The following SLCO1A2 variants were observed in gnomAD, a reference collection of about 807,000 sequenced individuals.
The protein encoded by SLCO1A2 is OATP-1.
In SLCO1A2, 67 loss-of-function variants were observed where a neutral mutation model predicts 69.0. The observed-to-expected ratio is 0.97, with a 90% CI of 0.80 to 1.19. The LOEUF (loss-of-function observed/expected upper bound fraction) is 1.19. SLCO1A2 is among the 50% of genes most tolerant of loss of function. The pLI, the probability that SLCO1A2 is intolerant of heterozygous loss-of-function variation, is 0.00. For missense variants in SLCO1A2, 787 were observed against 793.7 expected (o/e 0.99, Z 0.10); for synonymous variants, 260 against 265.9 (o/e 0.98, Z 0.22).
At chr12:21,405,328 A>G (rs534074152) in intron 1 of SLCO1A2, among the ~76,000 whole-genome samples, 2 of 152,158 alleles carry the variant, frequency 1.3e-5, no homozygotes, top group Admixed American at 6.6e-5. Context: ...AATATTGCCT[A>G]GATTTTCCCC....
chr12:21,412,107 G>A (rs181971809), intron 1 of SLCO1A2, among the ~76,000 whole-genome samples: 88 of 152,272 alleles, frequency 5.8e-4, no homozygotes, highest in South Asian at 3.5e-3. Context: ...AAGACTGGGC[G>A]CGGTGGCTTA....
chr12:21,397,605 T>C (rs1321977289), upstream of SLCO1A2, among the ~76,000 whole-genome samples: 2 of 152,102 alleles, frequency 1.3e-5, no homozygotes, highest in East Asian at 1.9e-4. Flanking sequence ...TATTCCTAAA[T>C]TGACCACATA....
At chr12:21,307,100 T>TA (rs1436140961) in intron 4 of SLCO1A2, 112 bp from the exon 5 acceptor site, 2 of 645,310 alleles carry the variant, frequency 3.1e-6, no homozygotes, top group Non-Finnish European at 5.1e-6. Context: ...CCAAATCCAG[T>TA]AAAAATGGCT....
chr12:21,292,110 G>C, intron 12 of SLCO1A2, 54 bp downstream of exon 12: 1 of 1,311,028 alleles, frequency 7.6e-7, no homozygotes, highest in East Asian at 2.5e-5. Context: ...CTTAGAACAA[G>C]CTACCTTAAT....
At position 21,264,679 on chromosome 12, in the gene SLCO1A2, C is replaced by T. The variant is rs1234946165; in HGVS notation, c.*4869G>A. On this transcript the variant is annotated 3_prime_UTR_variant, in exon 15 of 15. Transcript: ENST00000683939. ...ATCATTCCTTAAATATAAAAGCAAT[C>T]TTACAGGATTATGCAATAGTGTCTC... 1.3e-5 allele frequency: 2 copies of T among 152,088 alleles called. No individual in the cohort carries two copies. Among genetic ancestry groups the T allele is most frequent in the African/African-American group, 4.8e-5 (2 of 41,412 alleles). 9.4% of individuals were successfully genotyped at this position (152,088 alleles called of 1,614,324 possible). A position where few individuals can be genotyped will look rare whatever the true frequency, so the allele number is the denominator to read the frequency against.
intron 1 of SLCO1A2, among the ~76,000 whole-genome samples, chr12:21,412,859 A>G (rs901432295): frequency 6.6e-6 from 1 of 152,144 alleles, no homozygotes; most frequent in African/African-American, 2.4e-5. Context: ...TCACGGTGCT[A>G]TGACCTGTAC....
intron 1 of SLCO1A2, among the ~76,000 whole-genome samples, chr12:21,406,410 T>G (rs1347354340): frequency 6.6e-6 from 1 of 152,236 alleles, no homozygotes; most frequent in Non-Finnish European, 1.5e-5. Context: ...TGGGAATGGC[T>G]TCAAAAGTAA....
At chr12:21,347,852 T>A (rs1953327755) in intron 2 of SLCO1A2, among the ~76,000 whole-genome samples, 1 of 152,140 alleles carries the variant, frequency 6.6e-6, no homozygotes, top group Non-Finnish European at 1.5e-5. Flanking sequence ...TTACAAAGAA[T>A]AAATAGCAAA....
At chr12:21,323,372 T>C (rs1246294137) in intron 2 of SLCO1A2, among the ~76,000 whole-genome samples, 1 of 151,928 alleles carries the variant, frequency 6.6e-6, no homozygotes, top group African/African-American at 2.4e-5. Flanking sequence ...GCCTGGGCAA[T>C]ATGGCAAAAC....
chr12:21,350,641 C>G (rs1308033061), intron 2 of SLCO1A2, among the ~76,000 whole-genome samples: 2 of 151,684 alleles, frequency 1.3e-5, no homozygotes, highest in Non-Finnish European at 1.5e-5. Flanking sequence ...TCGAGACCAT[C>G]CTGGCCAACA....
At chr12:21,352,271 G>A (rs959157128) in intron 2 of SLCO1A2, among the ~76,000 whole-genome samples, 28 of 152,146 alleles carry the variant, frequency 1.8e-4, no homozygotes, top group African/African-American at 6.0e-4. Context: ...ACAGGTGGAC[G>A]GCAGCAGTTA....
chr12:21,398,602 T>G (rs917158550), upstream of SLCO1A2, among the ~76,000 whole-genome samples: 3 of 152,084 alleles, frequency 2.0e-5, no homozygotes, highest in African/African-American at 4.8e-5. Flanking sequence ...ATATCCTTGA[T>G]GAACATTGAT....
At chr12:21,350,819 G>C (rs1348725108) in intron 2 of SLCO1A2, among the ~76,000 whole-genome samples, 1 of 100,520 alleles carries the variant, frequency 9.9e-6, no homozygotes, top group Non-Finnish European at 1.8e-5. Flanking sequence ...CCTGGTGACA[G>C]AGCAAGACTC....
chr12:21,267,362 T>TAGGGATGATG lies in SLCO1A2; in HGVS notation c.*2176_*2185dup, dbSNP rs1210647511. The TAGGGATGATG allele has an allele frequency of 6.6e-6, 1 of 152,110 alleles. No homozygotes were observed. The allele number at this position is 152,110 out of a possible 1,614,324, so 9.4% of individuals were successfully genotyped here. The stretch of plus-strand genomic sequence containing the variant: ...TCTCAGATCACCTCAAATCTATCAA[T>TAGGGATGATG]AGGGATGATGAATGGGCCTCAGGAG... On this transcript the variant is annotated 3_prime_UTR_variant, in exon 15 of 15. Transcript: ENST00000683939.
At chr12:21,365,458 A>T (rs1213439727) in intron 2 of SLCO1A2, among the ~76,000 whole-genome samples, 1 of 152,228 alleles carries the variant, frequency 6.6e-6, no homozygotes, top group Admixed American at 6.5e-5. Context: ...AAGAAAACCT[A>T]GGCCATACCA....
chr12:21,318,590 G>A (rs1387912010), intron 3 of SLCO1A2, among the ~76,000 whole-genome samples, 192 bp downstream of exon 3: 1 of 152,140 alleles, frequency 6.6e-6, no homozygotes, highest in Non-Finnish European at 1.5e-5. Context: ...ATATTTAGGT[G>A]TTAATATGAG....
At chr12:21,273,709 C>T (rs1943296133) in intron 14 of SLCO1A2, among the ~76,000 whole-genome samples, 1 of 152,140 alleles carries the variant, frequency 6.6e-6, no homozygotes, top group Non-Finnish European at 1.5e-5. Flanking sequence ...AGCATCACTC[C>T]TGGGGAGCTC....
intron 8 of SLCO1A2, among the ~76,000 whole-genome samples, chr12:21,297,777 G>A (rs544921429): frequency 6.6e-6 from 1 of 152,300 alleles, no homozygotes; most frequent in Non-Finnish European, 1.5e-5. Context: ...TGACTGGGTA[G>A]GGATCAGAAC....
chr12:21,357,918 A>T (rs370922227), intron 2 of SLCO1A2, among the ~76,000 whole-genome samples: 4 of 152,192 alleles, frequency 2.6e-5, no homozygotes, highest in African/African-American at 9.7e-5. Flanking sequence ...TTAAATACCG[A>T]ATTCTCCATA....
Sources: gnomAD v4.1 joint callset for allele counts (sites outside exome capture counted in the v4.1 genomes callset) on GRCh38, gnomAD v4.1.1 for gene constraint, MANE v1.5 for transcripts, NCBI Gene and HGNC (gene_info 2026-07-23, HGNC 2026-07-21) for gene names.